CNTNAP5: variants seen among roughly 807,000 people sequenced by gnomAD.
The protein encoded by CNTNAP5 is contactin-associated protein-like 5.
A neutral mutation model predicts 150.2 loss-of-function variants in CNTNAP5; 72 were observed. The observed-to-expected ratio is 0.48, with a 90% CI of 0.40 to 0.58. The LOEUF (loss-of-function observed/expected upper bound fraction) is 0.58, where lower values mean the gene tolerates loss of function less well. Ranked by LOEUF, CNTNAP5 falls within the 20% of genes least tolerant of loss-of-function variation. The pLI, the probability that CNTNAP5 is intolerant of heterozygous loss-of-function variation, is 0.00. For synonymous variants in CNTNAP5, 672 were observed against 619.8 expected (o/e 1.08, Z -1.25); for missense variants, 1,636 against 1,626.2 (o/e 1.01, Z -0.10).
chr2:124,504,769 C>A (rs569099920), intron 8 of CNTNAP5, among the ~76,000 whole-genome samples: 5 of 143,702 alleles, frequency 3.5e-5, no homozygotes, highest in African/African-American at 1.3e-4. Flanking sequence ...TGCAGTGGCT[C>A]GATCTCAGCT....
At chr2:124,546,640 G>A (rs1053430236) in intron 10 of CNTNAP5, among the ~76,000 whole-genome samples, 2 of 152,138 alleles carry the variant, frequency 1.3e-5, no homozygotes, top group Non-Finnish European at 2.9e-5. Context: ...GGCTTCAAAA[G>A]CTACCATTAA....
chr2:124,800,147 A>G (rs958566897), intron 19 of CNTNAP5, among the ~76,000 whole-genome samples: 6 of 152,194 alleles, frequency 3.9e-5, no homozygotes, highest in African/African-American at 1.4e-4. Context: ...CAGGTTTCCC[A>G]ATAGTCAGCC....
At chr2:124,623,498 T>C (rs957808008) in intron 12 of CNTNAP5, among the ~76,000 whole-genome samples, 18 of 152,234 alleles carry the variant, frequency 1.2e-4, no homozygotes, top group African/African-American at 3.6e-4. Flanking sequence ...TCTAATTACT[T>C]TGTGGGGACA....
chr2:124,239,095 G>C (rs1274644383), intron 2 of CNTNAP5, among the ~76,000 whole-genome samples: 1 of 152,174 alleles, frequency 6.6e-6, no homozygotes, highest in Non-Finnish European at 1.5e-5. Context: ...ATTTGGGGGA[G>C]ATTAATAAGC....
chr2:124,794,364 T>A lies in CNTNAP5; in HGVS notation c.2993-3732T>A, dbSNP rs191807565. The stretch of plus-strand genomic sequence containing the variant: ...CAGGACTCTTTCACAGGGAGTCGTG[T>A]TTAACATTCGATGAGCACTCTACAA... On this transcript the variant is annotated intron_variant, in intron 18 of 23. Transcript: ENST00000682447. 2.7e-3 allele frequency among the ~76,000 whole-genome samples: 414 copies of A among 152,306 alleles called. 2 individuals carry two copies. Among genetic ancestry groups the A allele is most frequent in the Non-Finnish European group, 3.1e-3 (213 of 68,036 alleles).
intron 3 of CNTNAP5, among the ~76,000 whole-genome samples, chr2:124,372,773 T>G (rs4848239): frequency 0.2 from 29,761 of 152,072 alleles, 3,120 homozygotes; most frequent in African/African-American, 0.28. Flanking sequence ...CCTGTTATTA[T>G]AGACAGAATT....
chr2:124,466,724 G>A (rs555093198), intron 6 of CNTNAP5, among the ~76,000 whole-genome samples: 5 of 152,252 alleles, frequency 3.3e-5, no homozygotes, highest in South Asian at 4.1e-4. Context: ...AGTTGCCAAC[G>A]AATGGATGAG....
chr2:124,534,260 C>T (rs13021885), intron 10 of CNTNAP5, among the ~76,000 whole-genome samples: 6,519 of 151,560 alleles, frequency 0.043, 190 homozygotes, highest in South Asian at 0.1. Flanking sequence ...TCTTGGATCT[C>T]GCGCAATAAA....
chr2:124,431,508 G>GATATATATATATAT (rs201654852), intron 4 of CNTNAP5, among the ~76,000 whole-genome samples: 54 of 114,234 alleles, frequency 4.7e-4, no homozygotes, highest in East Asian at 1.8e-3. Context: ...AAGTGTCAAA[G>GATATATATATATAT]ATATATATAT....
chr2:124,733,904 G>C (rs1406829657), intron 13 of CNTNAP5, among the ~76,000 whole-genome samples: 1 of 152,116 alleles, frequency 6.6e-6, no homozygotes, highest in South Asian at 2.1e-4. Flanking sequence ...AGGCTTTGCT[G>C]TCTTGATAGT....
chr2:124,314,249 T>C (rs1002144843), intron 3 of CNTNAP5, among the ~76,000 whole-genome samples: 2 of 152,232 alleles, frequency 1.3e-5, no homozygotes, highest in Non-Finnish European at 1.5e-5. Context: ...CTGCATTCTA[T>C]TACTGATTTC....
At chr2:124,883,721 C>T (rs764072867) in intron 21 of CNTNAP5, among the ~76,000 whole-genome samples, 6 of 151,976 alleles carry the variant, frequency 3.9e-5, no homozygotes, top group Admixed American at 6.6e-5. Context: ...CACATATATT[C>T]GTGCGTGGGT....
At chr2:124,750,677 G>A (rs1192689258) in intron 14 of CNTNAP5, among the ~76,000 whole-genome samples, 1 of 151,936 alleles carries the variant, frequency 6.6e-6, no homozygotes, top group African/African-American at 2.4e-5. Flanking sequence ...AGTAATGGTG[G>A]TTTTTGTCAT....
intron 3 of CNTNAP5, among the ~76,000 whole-genome samples, chr2:124,306,719 C>CTTTTTTTTTTT (rs762901729): frequency 1.6e-5 from 1 of 64,336 alleles, no homozygotes; most frequent in African/African-American, 6.2e-5. Context: ...CTCTCTCTTT[C>CTTTTTTTTTTT]TTTTTTTTTT....
At chr2:124,807,498 A>T (rs547885101) in intron 19 of CNTNAP5, among the ~76,000 whole-genome samples, 7 of 152,178 alleles carry the variant, frequency 4.6e-5, no homozygotes, top group Non-Finnish European at 8.8e-5. Context: ...ACATTAATTC[A>T]TCTCATTCTC....
At chr2:124,527,517 A>C (rs1394303035) in intron 10 of CNTNAP5, 61 bp downstream of exon 10, 1 of 1,386,084 alleles carries the variant, frequency 7.2e-7, no homozygotes, top group Non-Finnish European at 9.7e-7. Context: ...TGTTCTAAAT[A>C]TGAGTTTCTT....
intron 19 of CNTNAP5, among the ~76,000 whole-genome samples, chr2:124,839,237 A>G (rs1359606672): frequency 6.6e-6 from 1 of 152,064 alleles, no homozygotes; most frequent in Non-Finnish European, 1.5e-5. Flanking sequence ...TCTGGCTGGT[A>G]TAAAGGGGAT....
intron 6 of CNTNAP5, among the ~76,000 whole-genome samples, chr2:124,453,267 A>T (rs1574004713): frequency 6.6e-6 from 1 of 151,874 alleles, no homozygotes; most frequent in South Asian, 2.1e-4. Context: ...GAATCAAACC[A>T]GTAGAAGAAA....
rs538185739 is a variant in CNTNAP5, at chr2:124,205,297, T to G, written c.83-16408T>G. Among the ~76,000 whole-genome samples, 203 of 152,248 alleles carry G rather than the reference T, an allele frequency of 1.3e-3. 1 individual carries two copies. The highest frequency in any genetic ancestry group is 3.5e-3 in the Admixed American group (54 of 15,288). On this transcript the variant is annotated intron_variant, in intron 1 of 23. Coordinates refer to ENST00000682447, the MANE Select transcript of CNTNAP5 (RefSeq NM_001367498.1). ...CATCTGGCATTTCCCCTGCTTGCAC[T>G]TTTCTCTCCTGCCACCAAGTGAAGA...
Sources: allele counts gnomAD v4.1 joint callset (sites outside exome capture counted in the v4.1 genomes callset), GRCh38; gene constraint gnomAD v4.1.1; transcripts MANE v1.5; gene names NCBI Gene and HGNC (gene_info 2026-07-23, HGNC 2026-07-21).